TMEM178B: variants seen among roughly 807,000 people sequenced by gnomAD.
The protein encoded by TMEM178B is transmembrane protein 178B.
Under a neutral mutation model 31.0 loss-of-function variants are expected in TMEM178B, and 5 were observed. The observed-to-expected ratio is 0.16, with a 90% CI of 0.08 to 0.34. The LOEUF (loss-of-function observed/expected upper bound fraction) is 0.34. TMEM178B is among the 10% of genes least tolerant of loss of function. The pLI is 1.00. For synonymous variants in TMEM178B, 164 were observed against 164.0 expected (o/e 1.00, Z 0.00); for missense variants, 275 against 400.3 (o/e 0.69, Z 2.67).
chr7:141,077,681 G>T (rs1030948209), intron 1 of TMEM178B, among the ~76,000 whole-genome samples: 2 of 152,208 alleles, frequency 1.3e-5, no homozygotes, highest in Non-Finnish European at 2.9e-5. Context: ...TTCACCAGAT[G>T]CTTGGTATTT....
chr7:141,176,881 G>A (rs1006156892), intron 1 of TMEM178B, among the ~76,000 whole-genome samples: 3 of 151,958 alleles, frequency 2.0e-5, no homozygotes, highest in Non-Finnish European at 2.9e-5. Flanking sequence ...CTATTTTGTT[G>A]ATCTTTTCAA....
intron 1 of TMEM178B, among the ~76,000 whole-genome samples, chr7:141,159,740 A>G (rs1432285089): frequency 1.3e-5 from 2 of 152,156 alleles, no homozygotes; most frequent in Non-Finnish European, 2.9e-5. Context: ...TATGAGATAG[A>G]ATATTCTTTC....
At chr7:141,353,685 C>T (rs118072567) in intron 2 of TMEM178B, among the ~76,000 whole-genome samples, 16 of 152,374 alleles carry the variant, frequency 1.1e-4, no homozygotes, top group South Asian at 2.1e-4. Context: ...TAGGATCACA[C>T]TGCACCATCA....
chr7:141,464,666 A>G (rs1024872298), intron 3 of TMEM178B, among the ~76,000 whole-genome samples: 3 of 152,208 alleles, frequency 2.0e-5, no homozygotes, highest in Admixed American at 6.5e-5. Flanking sequence ...CTTGACCCAA[A>G]GATAGAAGTT....
At chr7:141,212,470 G>GT in intron 1 of TMEM178B, 121 bp from the exon 2 acceptor site, 4 of 742,274 alleles carry the variant, frequency 5.4e-6, no homozygotes, top group Non-Finnish European at 6.8e-6. Context: ...TCTTTCTGTA[G>GT]TTGTCACCAG....
intron 2 of TMEM178B, among the ~76,000 whole-genome samples, chr7:141,386,842 G>A (rs1225088666): frequency 3.3e-5 from 5 of 152,290 alleles, no homozygotes; most frequent in South Asian, 2.1e-4. Flanking sequence ...CTGGATGAGG[G>A]CAAGGAAGTT....
chr7:141,436,582 G>A (rs913350273), intron 2 of TMEM178B, among the ~76,000 whole-genome samples: 6 of 152,066 alleles, frequency 3.9e-5, no homozygotes, highest in African/African-American at 1.4e-4. Context: ...GGGTCAGAAG[G>A]TTGAGCTCTA....
chr7:141,159,367 C>A (rs1796128981), intron 1 of TMEM178B, among the ~76,000 whole-genome samples: 1 of 152,168 alleles, frequency 6.6e-6, no homozygotes, highest in Non-Finnish European at 1.5e-5. Flanking sequence ...AATCCCAGCT[C>A]CTCGCTCTGG....
chr7:141,229,013 CTTTT>C (rs3035763), intron 2 of TMEM178B, among the ~76,000 whole-genome samples: 4,973 of 80,622 alleles, frequency 0.062, 135 homozygotes, highest in East Asian at 0.2. Context: ...TCAGTACTAT[CTTTT>C]TTTTTTTTTT....
chr7:141,165,911 A>G (rs1796252865), intron 1 of TMEM178B, among the ~76,000 whole-genome samples: 1 of 152,226 alleles, frequency 6.6e-6, no homozygotes. Flanking sequence ...GGTGCTTAGC[A>G]TTGTGCACGG....
intron 1 of TMEM178B, among the ~76,000 whole-genome samples, chr7:141,112,404 C>T (rs1795248099): frequency 6.6e-6 from 1 of 152,148 alleles, no homozygotes; most frequent in Non-Finnish European, 1.5e-5. Flanking sequence ...AGGTGTTAGC[C>T]ACCACAGCCT....
intron 2 of TMEM178B, among the ~76,000 whole-genome samples, chr7:141,347,918 A>T (rs973461713): frequency 1.1e-4 from 16 of 152,228 alleles, no homozygotes; most frequent in African/African-American, 3.6e-4. Context: ...GTAGTTACCT[A>T]GGAGAGATGA....
At chr7:141,172,166 A>G (rs1226962246) in intron 1 of TMEM178B, among the ~76,000 whole-genome samples, 1 of 152,214 alleles carries the variant, frequency 6.6e-6, no homozygotes, top group African/African-American at 2.4e-5. Context: ...CTCACAGAAC[A>G]GTGAACATAA....
chr7:141,444,757 C>T (rs1432014081), intron 3 of TMEM178B, among the ~76,000 whole-genome samples: 1 of 152,088 alleles, frequency 6.6e-6, no homozygotes, highest in African/African-American at 2.4e-5. Context: ...TGGGACCCAG[C>T]CTGCTTTCTT....
At chr7:141,126,470 T>G (rs932408726) in intron 1 of TMEM178B, among the ~76,000 whole-genome samples, 1 of 152,248 alleles carries the variant, frequency 6.6e-6, no homozygotes, top group Non-Finnish European at 1.5e-5. Context: ...CGTGGAAGGC[T>G]GTCATATAAA....
At chr7:141,505,654 G>A in the TMEM178B span, among the ~76,000 whole-genome samples, 3 of 152,156 alleles carry the variant, frequency 2.0e-5, no homozygotes, top group East Asian at 1.9e-4. Flanking sequence ...ACTGCCTGCC[G>A]AACAGGACTG....
chr7:141,274,155 G>A (rs919126116), intron 2 of TMEM178B, among the ~76,000 whole-genome samples: 1 of 151,982 alleles, frequency 6.6e-6, no homozygotes, highest in African/African-American at 2.4e-5. Context: ...TCACTCCCCC[G>A]CCTTACTTTT....
At chr7:141,463,824 A>G (rs2116721575) in intron 3 of TMEM178B, among the ~76,000 whole-genome samples, 1 of 152,264 alleles carries the variant, frequency 6.6e-6, no homozygotes, top group South Asian at 2.1e-4. Context: ...GTGATAAACG[A>G]GGTTGGCTAG....
intron 1 of TMEM178B, among the ~76,000 whole-genome samples, chr7:141,181,881 G>A (rs1796535734): frequency 1.3e-5 from 2 of 152,146 alleles, no homozygotes. Flanking sequence ...CAACTAGGAG[G>A]CTCGCCTCAA....
Sources: gnomAD v4.1 joint callset for allele counts (sites outside exome capture counted in the v4.1 genomes callset) on GRCh38, gnomAD v4.1.1 for gene constraint, MANE v1.5 for transcripts, NCBI Gene and HGNC (gene_info 2026-07-23, HGNC 2026-07-21) for gene names.